The following PTPRR variants were observed in gnomAD, a reference collection of about 807,000 sequenced individuals.
PTPRR encodes receptor-type tyrosine-protein phosphatase R.
Under a neutral mutation model 77.2 loss-of-function variants are expected in PTPRR, and 38 were observed. The observed-to-expected ratio is 0.49, with a 90% CI of 0.38 to 0.65. PTPRR has a LOEUF of 0.65. PTPRR is among the 30% of genes least tolerant of loss of function. PTPRR has a pLI of 0.00. For synonymous variants in PTPRR, 299 were observed against 283.1 expected (o/e 1.06, Z -0.57); for missense variants, 744 against 799.2 (o/e 0.93, Z 0.83).
chr12:70,866,204 T>C (rs1346486493), intron 2 of PTPRR, among the ~76,000 whole-genome samples: 2 of 151,456 alleles, frequency 1.3e-5, no homozygotes, highest in East Asian at 1.9e-4. Context: ...CTGAAGGAAA[T>C]AGAGACACAA....
Position 70,698,295 on chromosome 12 carries a change from T to C in PTPRR, c.1249A>G (p.Thr417Ala). The change falls in exon 8 of 14, where the codon ACT becomes GCT. Residue 417 changes from threonine to alanine, a missense_variant. Thr to Ala is a moderately conservative substitution (Grantham distance 58). This residue lies in a region of PTPRR where 570 missense variants were observed against 573.2 expected (regional missense o/e 0.99). Coordinates refer to ENST00000283228, the MANE Select transcript of PTPRR (RefSeq NM_002849.4). Reference protein sequence around the residue: ...PKEIDIPRHGTKNRYKTILPN... With the variant: ...PKEIDIPRHGAKNRYKTILPN... ...AAAATGGTCTTATAGCGATTTTTAG[T>C]TCCATGACGCGGAATATCAATTTCT... is the stretch of plus-strand genomic sequence containing the variant. 2 of 1,613,170 alleles carry C rather than the reference T, an allele frequency of 1.2e-6. No individual in the cohort carries two copies. The highest frequency in any genetic ancestry group is 1.7e-6 in the Non-Finnish European group (2 of 1,179,448).
intron 10 of PTPRR, among the ~76,000 whole-genome samples, chr12:70,670,382 T>A (rs1411477168): frequency 6.6e-6 from 1 of 152,200 alleles, no homozygotes. Flanking sequence ...CAAGCCTGGA[T>A]TGAAATTTGG....
chr12:70,675,850 T>C (rs1887425593), intron 10 of PTPRR, among the ~76,000 whole-genome samples: 1 of 151,920 alleles, frequency 6.6e-6, no homozygotes, highest in Admixed American at 6.5e-5. Flanking sequence ...TTGTAGGTAA[T>C]ATTCTACTGA....
intron 2 of PTPRR, among the ~76,000 whole-genome samples, chr12:70,781,183 A>C (rs1891195806): frequency 6.6e-6 from 1 of 152,218 alleles, no homozygotes; most frequent in African/African-American, 2.4e-5. Flanking sequence ...CCACTAAAAC[A>C]CCAACATATG....
chr12:70,755,196 CAT>C (rs1169255105), intron 4 of PTPRR, among the ~76,000 whole-genome samples: 3 of 152,086 alleles, frequency 2.0e-5, no homozygotes, highest in Non-Finnish European at 4.4e-5. Context: ...TTGGGAAAAA[CAT>C]ATAAAGGCTA....
chr12:70,666,462 A>C (rs1274308145), intron 10 of PTPRR, among the ~76,000 whole-genome samples: 1 of 152,192 alleles, frequency 6.6e-6, no homozygotes, highest in East Asian at 1.9e-4. Context: ...AGGTGTACTT[A>C]TTATTGAAGT....
intron 5 of PTPRR, among the ~76,000 whole-genome samples, chr12:70,750,001 T>C (rs975344323): frequency 2.0e-5 from 3 of 152,250 alleles, no homozygotes; most frequent in African/African-American, 4.8e-5. Flanking sequence ...TAAAACAGAC[T>C]GAATGGATTG....
chr12:70,746,458 T>C (rs1424089747), intron 5 of PTPRR, among the ~76,000 whole-genome samples: 1 of 152,168 alleles, frequency 6.6e-6, no homozygotes, highest in African/African-American at 2.4e-5. Flanking sequence ...TTTATAGAAA[T>C]GGAGATATAC....
At chr12:70,767,686 C>T (rs572436513) in intron 2 of PTPRR, among the ~76,000 whole-genome samples, 3 of 152,282 alleles carry the variant, frequency 2.0e-5, no homozygotes, top group Admixed American at 6.5e-5. Context: ...CTACAGAATT[C>T]TCCATCCCAA....
At chr12:70,888,468 T>C (rs1247455787) in intron 2 of PTPRR, among the ~76,000 whole-genome samples, 1 of 152,156 alleles carries the variant, frequency 6.6e-6, no homozygotes, top group South Asian at 2.1e-4. Flanking sequence ...TCAGTAGTTG[T>C]TGTTTAACCA....
chr12:70,895,919 C>A (rs1486317444), intron 1 of PTPRR, among the ~76,000 whole-genome samples: 1 of 151,672 alleles, frequency 6.6e-6, no homozygotes, highest in Non-Finnish European at 1.5e-5. Context: ...AAGCAGCCAA[C>A]AATCATAGCT....
chr12:70,830,762 A>G (rs1175707324), intron 2 of PTPRR, among the ~76,000 whole-genome samples: 1 of 152,194 alleles, frequency 6.6e-6, no homozygotes, highest in African/African-American at 2.4e-5. Flanking sequence ...TTTGCCAGAG[A>G]AAAAAGGAGC....
rs993192393 is a variant in PTPRR, at chr12:70,652,096, G to A, written c.1880+4608C>T. 4.6e-5 allele frequency among the ~76,000 whole-genome samples: 7 copies of A among 152,146 alleles called. No individual in the cohort carries two copies. The East Asian group carries it at 1.2e-3, about 25-fold the overall frequency. On this transcript the variant is annotated intron_variant, in intron 13 of 13. Coordinates refer to ENST00000283228, the MANE Select transcript of PTPRR (RefSeq NM_002849.4). ...GAAGGTAAGGATAGCCAGGAAAATC[G>A]GAATTTGGGGACAAGGTTTGAACAA...
At chr12:70,820,908 A>G (rs1592776199) in intron 2 of PTPRR, among the ~76,000 whole-genome samples, 3 of 152,152 alleles carry the variant, frequency 2.0e-5, no homozygotes, top group Admixed American at 2.0e-4. Context: ...TGCTGGGTAT[A>G]AGTCCTCAAC....
At chr12:70,728,196 T>C (rs1889512844) in intron 6 of PTPRR, among the ~76,000 whole-genome samples, 1 of 138,506 alleles carries the variant, frequency 7.2e-6, no homozygotes, top group African/African-American at 2.7e-5. Flanking sequence ...GTGTTTCAGA[T>C]TTTGGATTTT....
At chr12:70,872,408 C>T (rs1403237517) in intron 2 of PTPRR, among the ~76,000 whole-genome samples, 2 of 151,796 alleles carry the variant, frequency 1.3e-5, no homozygotes, top group African/African-American at 4.8e-5. Context: ...CAGAATCCAC[C>T]AAGTCAGCCG....
intron 6 of PTPRR, among the ~76,000 whole-genome samples, chr12:70,741,801 C>T (rs1294563004): frequency 1.3e-5 from 2 of 152,118 alleles, no homozygotes; most frequent in Non-Finnish European, 2.9e-5. Context: ...TCCTTCACCG[C>T]TGAGCCCTGG....
At chr12:70,914,422 C>A (rs186761270) in intron 1 of PTPRR, among the ~76,000 whole-genome samples, 1 of 152,100 alleles carries the variant, frequency 6.6e-6, no homozygotes, top group Non-Finnish European at 1.5e-5. Flanking sequence ...GAGGTCATCA[C>A]AAGATATTAT....
At chr12:70,744,639 T>C (rs12820253) in intron 6 of PTPRR, among the ~76,000 whole-genome samples, 12,668 of 152,324 alleles carry the variant, frequency 0.083, 705 homozygotes, top group South Asian at 0.13. Context: ...TTTGTGTGTG[T>C]AAACCATAAC....
Sources: allele counts gnomAD v4.1 joint callset (sites outside exome capture counted in the v4.1 genomes callset), GRCh38; gene constraint gnomAD v4.1.1; regional missense constraint gnomAD v4.1.1; transcripts MANE v1.5; gene names NCBI Gene and HGNC (gene_info 2026-07-23, HGNC 2026-07-21).